PAN3: variants seen among roughly 807,000 people sequenced by gnomAD.
PAN3 encodes poly(A) specific ribonuclease subunit PAN3, also known as PAN2-PAN3 deadenylation complex subunit PAN3.
A neutral mutation model predicts 96.2 loss-of-function variants in PAN3; 19 were observed. The ratio of observed to expected loss-of-function variants is 0.20; its 90% CI spans 0.14 to 0.29. The LOEUF is 0.29. Ranked by LOEUF, PAN3 falls within the 10% of genes least tolerant of loss-of-function variation. PAN3 has a pLI of 1.00. For synonymous variants in PAN3, 433 were observed against 406.6 expected, an observed-to-expected ratio of 1.06 and a Z score of -0.78; for missense variants, 882 against 1,108.1, an observed-to-expected ratio of 0.80 and a Z score of 2.90.
At chr13:28,228,436 A>G (rs1882220775) in intron 6 of PAN3, among the ~76,000 whole-genome samples, 1 of 152,160 alleles carries the variant, frequency 6.6e-6, no homozygotes. Flanking sequence ...GCCTGCAACA[A>G]CCTAGATGTG....
At chr13:28,181,682 A>G (rs1258031286) in intron 4 of PAN3, among the ~76,000 whole-genome samples, 4 of 152,188 alleles carry the variant, frequency 2.6e-5, no homozygotes, top group Admixed American at 6.5e-5. Flanking sequence ...GACCAGTGCT[A>G]GTCTGTGAAT....
intron 4 of PAN3, among the ~76,000 whole-genome samples, chr13:28,185,990 A>T (rs1447550940): frequency 6.6e-6 from 1 of 152,228 alleles, no homozygotes; most frequent in African/African-American, 2.4e-5. Flanking sequence ...TAAAATTCTC[A>T]TCCACAAACA....
chr13:28,195,152 G>T (rs935644025), intron 4 of PAN3, among the ~76,000 whole-genome samples: 10 of 152,162 alleles, frequency 6.6e-5, no homozygotes, highest in African/African-American at 2.4e-4. Flanking sequence ...GCTCATGTCT[G>T]TAATCCCAGC....
At chr13:28,160,509 T>G in intron 1 of PAN3, among the ~76,000 whole-genome samples, 1 of 152,184 alleles carries the variant, frequency 6.6e-6, no homozygotes, top group East Asian at 1.9e-4. Flanking sequence ...AGACTTTTAG[T>G]AATAGGCAGT....
intron 5 of PAN3, chr13:28,214,887 G>A: frequency 2.3e-6 from 2 of 872,660 alleles, no homozygotes; most frequent in Non-Finnish European, 3.8e-6. Flanking sequence ...TGAAATTGAA[G>A]CTAGTAGCTC....
intron 3 of PAN3, 27 bp from the exon 4 acceptor site, chr13:28,177,838 T>C (rs1033480929): frequency 1.3e-6 from 2 of 1,591,862 alleles, no homozygotes; most frequent in African/African-American, 2.7e-5. Context: ...GTTTTATGTG[T>C]GGAAACTTAC....
At chr13:28,237,955 G>C (rs1883259504) in intron 6 of PAN3, among the ~76,000 whole-genome samples, 1 of 152,174 alleles carries the variant, frequency 6.6e-6, no homozygotes, top group Non-Finnish European at 1.5e-5. Context: ...AAGTATATTG[G>C]TGTTGGTATG....
chr13:28,289,652 C>G (rs376587722), intron 18 of PAN3, among the ~76,000 whole-genome samples: 1 of 152,116 alleles, frequency 6.6e-6, no homozygotes, highest in Non-Finnish European at 1.5e-5. Context: ...GAGGCCACGG[C>G]GGGCGGATCA....
At chr13:28,152,755 ACT>A (rs1346183979) in intron 1 of PAN3, among the ~76,000 whole-genome samples, 1 of 152,156 alleles carries the variant, frequency 6.6e-6, no homozygotes, top group Non-Finnish European at 1.5e-5. Flanking sequence ...CCTTCAGAAA[ACT>A]CTGGCAGTTT....
intron 6 of PAN3, among the ~76,000 whole-genome samples, chr13:28,226,205 G>T (rs1476863920): frequency 6.6e-6 from 1 of 152,108 alleles, no homozygotes; most frequent in Admixed American, 6.5e-5. Flanking sequence ...AGATTATTTT[G>T]TGTTTACTAA....
intron 1 of PAN3, among the ~76,000 whole-genome samples, chr13:28,148,350 A>G (rs1273311700): frequency 6.6e-6 from 1 of 152,094 alleles, no homozygotes; most frequent in African/African-American, 2.4e-5. Context: ...TGGTACAATC[A>G]TAGCTCGCTG....
At chr13:28,163,127 T>C (rs1162090078) in intron 1 of PAN3, among the ~76,000 whole-genome samples, 1 of 151,652 alleles carries the variant, frequency 6.6e-6, no homozygotes, top group Admixed American at 6.6e-5. Context: ...CACTGCAGCC[T>C]CAATTTCCTA....
intron 6 of PAN3, among the ~76,000 whole-genome samples, chr13:28,228,997 A>G (rs962116339): frequency 1.3e-5 from 2 of 152,230 alleles, no homozygotes; most frequent in Admixed American, 1.3e-4. Flanking sequence ...ACAGGGGAAG[A>G]GCTTCTCAGC....
At chr13:28,189,662 A>G (rs1048038401) in intron 4 of PAN3, among the ~76,000 whole-genome samples, 1 of 152,152 alleles carries the variant, frequency 6.6e-6, no homozygotes, top group Non-Finnish European at 1.5e-5. Flanking sequence ...TTCTGTTTGT[A>G]TCACTAGTTA....
chr13:28,242,015 T>C (rs1410953440), intron 6 of PAN3, among the ~76,000 whole-genome samples: 1 of 152,178 alleles, frequency 6.6e-6, no homozygotes, highest in Non-Finnish European at 1.5e-5. Context: ...TCATTAAAAC[T>C]ATTTGTATAA....
At chr13:28,212,738 T>C (rs1029438520) in intron 5 of PAN3, among the ~76,000 whole-genome samples, 1 of 152,150 alleles carries the variant, frequency 6.6e-6, no homozygotes, top group African/African-American at 2.4e-5. Context: ...CAATAGACAT[T>C]GAAGAACAGT....
intron 5 of PAN3, among the ~76,000 whole-genome samples, chr13:28,209,968 A>G (rs2138315378): frequency 6.6e-6 from 1 of 152,106 alleles, no homozygotes; most frequent in South Asian, 2.1e-4. Context: ...TTTTTAGTAG[A>G]GATGGGGGTC....
At chr13:28,233,307 C>T (rs1882770473) in intron 6 of PAN3, among the ~76,000 whole-genome samples, 1 of 149,670 alleles carries the variant, frequency 6.7e-6, no homozygotes, top group African/African-American at 2.5e-5. Context: ...CACTCTATTG[C>T]CCAGGCTGGA....
At chr13:28,223,366 A>G (rs1366768852) in intron 6 of PAN3, among the ~76,000 whole-genome samples, 1 of 152,190 alleles carries the variant, frequency 6.6e-6, no homozygotes, top group Non-Finnish European at 1.5e-5. Context: ...AACAATAGCT[A>G]CATTTCTAAG....
Sources: allele counts gnomAD v4.1 joint callset (sites outside exome capture counted in the v4.1 genomes callset), GRCh38; gene constraint gnomAD v4.1.1; transcripts MANE v1.5; gene names NCBI Gene and HGNC (gene_info 2026-07-23, HGNC 2026-07-21).